SCGB2B2: variants seen among roughly 807,000 people sequenced by gnomAD.
The protein encoded by SCGB2B2 is secretoglobin-like protein.
A neutral mutation model predicts 7.6 loss-of-function variants in SCGB2B2; 11 were observed. The observed-to-expected ratio is 1.45, with a 90% confidence interval of 0.91 to 2.40. The LOEUF (loss-of-function observed/expected upper bound fraction) is 2.40. Among genes scored for constraint, SCGB2B2 ranks in the 30% most tolerant of loss-of-function variants. SCGB2B2 has a pLI of 0.00. For missense variants in SCGB2B2, 104 were observed against 115.4 expected (o/e 0.90, Z 0.45); for synonymous variants, 50 against 48.6 (o/e 1.03, Z -0.12).
In SCGB2B2 at chr19:34,622,918, G is replaced by GT. The variant is rs35078505; in HGVS notation, c.-2031-26325dup. On this transcript the variant is annotated intron_variant, in intron 1 of 3. Coordinates refer to ENST00000601241, the MANE Select transcript of SCGB2B2 (RefSeq NM_001025591.4). ...AAAAGGCTGAGGGGTTTTCATCTAG[G>GT]TTTTTTTTTTTTTTTATTATCTATT... Among the ~76,000 whole-genome samples the GT allele has an allele frequency of 3.6e-3, 513 of 144,374 alleles. 2 individuals carry two copies. The highest frequency in any genetic ancestry group is 5.4e-3 in the Non-Finnish European group (353 of 65,670). 94.7% of individuals were successfully genotyped at this position (144,374 alleles called of 152,430 possible).
chr19:34,588,239 C>T (rs1234088838), downstream of SCGB2B2, among the ~76,000 whole-genome samples: 2 of 152,188 alleles, frequency 1.3e-5, no homozygotes, highest in Non-Finnish European at 2.9e-5. Flanking sequence ...GATTTCTTTT[C>T]AGTTCAATCT....
intron 1 of SCGB2B2, among the ~76,000 whole-genome samples, chr19:34,597,082 G>A (rs561004148): frequency 6.6e-6 from 1 of 151,538 alleles, no homozygotes; most frequent in East Asian, 2.0e-4. Flanking sequence ...GGAGGGACAT[G>A]CTCAGTGATG....
intron 1 of SCGB2B2, among the ~76,000 whole-genome samples, chr19:34,617,474 T>C (rs2066116512): frequency 6.6e-6 from 1 of 151,210 alleles, no homozygotes; most frequent in African/African-American, 2.4e-5. Flanking sequence ...ACTCATGATT[T>C]GGCTCTCTGT....
intron 1 of SCGB2B2, among the ~76,000 whole-genome samples, chr19:34,613,344 C>T (rs1211313315): frequency 6.6e-6 from 1 of 151,768 alleles, no homozygotes; most frequent in Non-Finnish European, 1.5e-5. Context: ...AGTGATCTGT[C>T]CCCCTTGGCC....
chr19:34,625,631 C>T (rs1202700894), intron 1 of SCGB2B2, among the ~76,000 whole-genome samples: 2 of 152,214 alleles, frequency 1.3e-5, no homozygotes, highest in Non-Finnish European at 2.9e-5. Context: ...GAAGCTCGAA[C>T]TGGGTGGAGC....
intron 1 of SCGB2B2, among the ~76,000 whole-genome samples, chr19:34,668,285 C>T (rs1323641071): frequency 6.6e-6 from 1 of 152,162 alleles, no homozygotes; most frequent in African/African-American, 2.4e-5. Flanking sequence ...CCCCGCACTC[C>T]GAGCTGCCGG....
intron 1 of SCGB2B2, among the ~76,000 whole-genome samples, chr19:34,616,860 G>A (rs2066097406): frequency 6.6e-6 from 1 of 152,064 alleles, no homozygotes; most frequent in Non-Finnish European, 1.5e-5. Context: ...ATTAATTTTT[G>A]TATAAGGTGT....
At position 34,594,665 on chromosome 19, in the gene SCGB2B2, G is replaced by A; in HGVS notation, c.-102C>T. On this transcript the variant is annotated 5_prime_UTR_variant, in exon 2 of 4. Transcript: ENST00000601241. ...CACATGCCTCTTCGTGTGTGTGTGT[G>A]TGTGTGTGTGTGTGTGTGTGTGTGT... is the stretch of plus-strand genomic sequence containing the variant. 2.5e-6 allele frequency: 1 copy of A among 393,066 alleles called. No homozygotes were observed. Among genetic ancestry groups the A allele is most frequent in the Non-Finnish European group, 4.3e-6 (1 of 230,192 alleles). 24.3% of individuals were successfully genotyped at this position (393,066 alleles called of 1,614,324 possible).
In SCGB2B2 at chr19:34,592,637, G is replaced by A. The variant is rs1161130441; in HGVS notation, c.*918C>T. ...GTTGATGGAGCCTCATCAGTGTATT[G>A]AAGGCCACTGAGACCTCCATCGAGG... On this transcript the variant is annotated 3_prime_UTR_variant, in exon 4 of 4. Coordinates refer to ENST00000601241, the MANE Select transcript of SCGB2B2 (RefSeq NM_001025591.4). Among the ~76,000 whole-genome samples the A allele has an allele frequency of 6.6e-6, 1 of 152,146 alleles. No homozygotes were observed. The highest frequency in any genetic ancestry group is 1.5e-5 in the Non-Finnish European group (1 of 68,022).
chr19:34,626,215 A>T (rs1487894925), intron 1 of SCGB2B2, among the ~76,000 whole-genome samples: 1 of 152,236 alleles, frequency 6.6e-6, no homozygotes, highest in African/African-American at 2.4e-5. Context: ...CCTCCTCCAA[A>T]GGAATGAAGC....
rs2065391491 is a variant in SCGB2B2, at chr19:34,594,581, C to T, written c.-18G>A. 2.5e-6 allele frequency: 4 copies of T among 1,611,354 alleles called. No individual in the cohort carries two copies. The highest frequency in any genetic ancestry group is 2.2e-4 in the Middle Eastern group (1 of 4,608). ...ACCCTCATGACAGCGGAGTCTGGTC[C>T]CAGCAGGCACAGGCAGGGAATTTGG... On this transcript the variant is annotated 5_prime_UTR_variant, in exon 2 of 4. Transcript: ENST00000601241.
chr19:34,594,470 G>A lies in SCGB2B2; in HGVS notation c.61+33C>T, dbSNP rs372718747. 4.6e-4 allele frequency: 739 copies of A among 1,608,164 alleles called. 7 individuals carry two copies. Among genetic ancestry groups the A allele is most frequent in the South Asian group, 3.8e-3 (348 of 90,942 alleles). ...ATGAGAGTGAAGGAGCAGGGCCACC[G>A]CTTCCTCCCAGCCCTGCTCGCCTCT... is the stretch of plus-strand genomic sequence containing the variant. On this transcript the variant is annotated intron_variant, in intron 2 of 3. Transcript: ENST00000601241.
At chr19:34,625,635 G>A (rs190892248) in intron 1 of SCGB2B2, among the ~76,000 whole-genome samples, 39 of 152,324 alleles carry the variant, frequency 2.6e-4, no homozygotes, top group Non-Finnish European at 3.8e-4. Flanking sequence ...CTCGAACTGG[G>A]TGGAGCCCAA....
Position 34,676,408 on chromosome 19 carries a change from G to A in SCGB2B2, c.-2810C>T, listed in dbSNP as rs961872520. On this transcript the variant is annotated 5_prime_UTR_variant, in exon 1 of 4. Coordinates refer to ENST00000601241, the MANE Select transcript of SCGB2B2 (RefSeq NM_001025591.4). ...GAAGTTACCCTGTATGGTTCAAAAA[G>A]CTGGGAAGCCCTCAGCTCCGAGAAA... The A allele has an allele frequency of 6.6e-6, 1 of 152,176 alleles. No individual in the cohort carries two copies. The highest frequency in any genetic ancestry group is 1.5e-5 in the Non-Finnish European group (1 of 68,044). The allele number at this position is 152,176 out of a possible 1,614,324, so 9.4% of individuals were successfully genotyped here.
intron 1 of SCGB2B2, among the ~76,000 whole-genome samples, chr19:34,622,404 A>C (rs1046754267): frequency 6.6e-6 from 1 of 152,174 alleles, no homozygotes; most frequent in Admixed American, 6.5e-5. Flanking sequence ...AGGTGGTATA[A>C]AGGGCGAGTT....
In SCGB2B2 at chr19:34,593,126, A is replaced by G. The variant is rs991476800; in HGVS notation, c.*429T>C. Among the ~76,000 whole-genome samples the G allele has an allele frequency of 6.6e-6, 1 of 152,188 alleles. No homozygotes were observed. Among genetic ancestry groups the G allele is most frequent in the African/African-American group, 2.4e-5 (1 of 41,446 alleles). On this transcript the variant is annotated 3_prime_UTR_variant, in exon 4 of 4. Transcript: ENST00000601241. ...CATTTGCGGTCAGGAGTTTGAGACC[A>G]GCCTGGCCAACATGGCAAAACCCTG...
At chr19:34,631,156 C>G (rs1246870889) in intron 1 of SCGB2B2, among the ~76,000 whole-genome samples, 1 of 151,622 alleles carries the variant, frequency 6.6e-6, no homozygotes, top group Non-Finnish European at 1.5e-5. Flanking sequence ...GTAGATATAC[C>G]TAATGTTAAA....
At chr19:34,587,696 G>A (rs1008506917), downstream of SCGB2B2, among the ~76,000 whole-genome samples, 3 of 152,154 alleles carry the variant, frequency 2.0e-5, no homozygotes, top group African/African-American at 7.2e-5. Flanking sequence ...ATTGTGTTGG[G>A]CTACATTCCT....
At chr19:34,590,451 T>C (rs767445182), downstream of SCGB2B2, among the ~76,000 whole-genome samples, 24 of 152,128 alleles carry the variant, frequency 1.6e-4, no homozygotes, top group Non-Finnish European at 1.0e-4. Context: ...TATCCACCTA[T>C]CCATCCAACA....
Sources: allele counts gnomAD v4.1 joint callset (sites outside exome capture counted in the v4.1 genomes callset), GRCh38; gene constraint gnomAD v4.1.1; transcripts MANE v1.5; gene names NCBI Gene and HGNC (gene_info 2026-07-23, HGNC 2026-07-21).